Variants in TNIK observed in about 807,000 individuals in gnomAD.
TNIK encodes TRAF2 and NCK interacting kinase, also known as TRAF2 and NCK-interacting protein kinase.
A neutral mutation model predicts 191.3 loss-of-function variants in TNIK; 49 were observed. The observed-to-expected ratio is 0.26, with a 90% CI of 0.20 to 0.32. The LOEUF is 0.32. TNIK is among the 10% of genes least tolerant of loss of function. TNIK has a pLI of 1.00. For missense variants in TNIK, 1,155 were observed against 1,702.3 expected (o/e 0.68, Z 5.66); for synonymous variants, 594 against 600.9 (o/e 0.99, Z 0.17).
chr3:171,090,088 A>G (rs1721865629), intron 23 of TNIK, among the ~76,000 whole-genome samples: 1 of 152,192 alleles, frequency 6.6e-6, no homozygotes, highest in African/African-American at 2.4e-5. Context: ...TTGAACTGGG[A>G]TGTGGTGAGT....
intron 15 of TNIK, among the ~76,000 whole-genome samples, chr3:171,134,911 GA>G (rs1000865850): frequency 2.0e-4 from 31 of 151,404 alleles, no homozygotes; most frequent in African/African-American, 5.1e-4. Flanking sequence ...CAAAGAAGAA[GA>G]AAAAAAAACT....
At chr3:171,101,763 T>C (rs1044027453) in intron 21 of TNIK, 130 bp from the exon 22 acceptor site, 3 of 812,368 alleles carry the variant, frequency 3.7e-6, no homozygotes, top group Non-Finnish European at 1.9e-6. Context: ...ACAAACATAG[T>C]TACTGCATGG....
chr3:171,297,046 C>T (rs1438208095), intron 2 of TNIK, among the ~76,000 whole-genome samples: 1 of 152,076 alleles, frequency 6.6e-6, no homozygotes, highest in African/African-American at 2.4e-5. Flanking sequence ...TACCGCAGTC[C>T]TTGCCTCTTA....
chr3:171,280,662 A>C (rs935506361), intron 2 of TNIK, among the ~76,000 whole-genome samples: 2 of 152,130 alleles, frequency 1.3e-5, no homozygotes, highest in Non-Finnish European at 2.9e-5. Context: ...AAAAAAAAAA[A>C]AAACTGTATC....
At chr3:171,197,683 A>G (rs1442678473) in intron 4 of TNIK, among the ~76,000 whole-genome samples, 1 of 152,236 alleles carries the variant, frequency 6.6e-6, no homozygotes, top group Non-Finnish European at 1.5e-5. Context: ...TTAGGAAAAT[A>G]CAAACCAAAA....
rs557171944 is a variant in TNIK, at chr3:171,347,075, C to T, written c.123+22545G>A. ...TGTGCTAGGACAGTGGTGGCAGAGA[C>T]AGAAAACAGAAGAGAGAAATCAGGA... On this transcript the variant is annotated intron_variant, in intron 2 of 32. Coordinates refer to ENST00000436636, the MANE Select transcript of TNIK (RefSeq NM_015028.4). 8 of 1,466,204 alleles carry T rather than the reference C, an allele frequency of 5.5e-6. No individual in the cohort carries two copies. The East Asian group carries it at 1.7e-4, about 32-fold the overall frequency. 90.8% of individuals were successfully genotyped at this position (1,466,204 alleles called of 1,614,324 possible).
chr3:171,295,167 C>T, intron 2 of TNIK, among the ~76,000 whole-genome samples: 1 of 152,162 alleles, frequency 6.6e-6, no homozygotes, highest in East Asian at 1.9e-4. Flanking sequence ...GGAAATGGGT[C>T]TGACCTAGGA....
intron 1 of TNIK, among the ~76,000 whole-genome samples, chr3:171,446,169 C>T (rs1727467549): frequency 6.6e-6 from 1 of 152,076 alleles, no homozygotes; most frequent in Non-Finnish European, 1.5e-5. Flanking sequence ...TTCTCATGAC[C>T]CTGTCCTGAG....
intron 28 of TNIK, among the ~76,000 whole-genome samples, chr3:171,075,832 G>A (rs1018654581): frequency 3.0e-4 from 46 of 151,774 alleles, no homozygotes; most frequent in African/African-American, 1.1e-3. Flanking sequence ...CATCTCCCAG[G>A]TTCAAGTGAT....
rs147981241 is a variant in TNIK at position 171,442,317 on chromosome 3, C to A, written c.57+17690G>T. On this transcript the variant is annotated intron_variant, in intron 1 of 32. Transcript: ENST00000436636. ...CAGAAAAGAAAAGAAACAGACCTGG[C>A]CTCAAAGGGACAGAGAACTTAATAG... Among the ~76,000 whole-genome samples the A allele has an allele frequency of 8.2e-3, 1,256 of 152,284 alleles. 20 individuals are homozygous for A. The highest frequency in any genetic ancestry group is 0.028 in the African/African-American group (1,174 of 41,566).
chr3:171,257,088 A>G (rs1577268912), intron 2 of TNIK, among the ~76,000 whole-genome samples: 1 of 152,152 alleles, frequency 6.6e-6, no homozygotes, highest in Non-Finnish European at 1.5e-5. Flanking sequence ...CGAGAGAGGA[A>G]CAATGAAGTC....
chr3:171,313,288 G>A (rs932382582), intron 2 of TNIK, among the ~76,000 whole-genome samples: 2 of 150,774 alleles, frequency 1.3e-5, no homozygotes, highest in Non-Finnish European at 2.9e-5. Flanking sequence ...AAATAGCTGG[G>A]TTACACATAC....
At chr3:171,139,411 CACAA>C (rs201037003) in intron 14 of TNIK, 55 bp downstream of exon 14, 141 of 1,494,846 alleles carry the variant, frequency 9.4e-5, no homozygotes, top group Non-Finnish European at 1.2e-4. Context: ...CACACACACA[CACAA>C]ACACTTGCAA....
chr3:171,124,095 C>A (rs1728149016), intron 17 of TNIK, among the ~76,000 whole-genome samples: 1 of 152,104 alleles, frequency 6.6e-6, no homozygotes, highest in Admixed American at 6.5e-5. Flanking sequence ...GAGAGCCACC[C>A]AGATGAAGCA....
intron 2 of TNIK, among the ~76,000 whole-genome samples, chr3:171,308,112 AG>A (rs1335998504): frequency 1.3e-5 from 2 of 152,160 alleles, no homozygotes; most frequent in African/African-American, 2.4e-5. Flanking sequence ...GAGCCTGAGT[AG>A]TGAAAACAAT....
chr3:171,120,379 G>A (rs1051318046), intron 18 of TNIK, among the ~76,000 whole-genome samples: 2 of 150,164 alleles, frequency 1.3e-5, no homozygotes, highest in Non-Finnish European at 1.5e-5. Context: ...GGAGTGCAGG[G>A]GTGTGATCTC....
chr3:171,102,961 C>CTAGGAAAGGAAACACTTTAGGTGTTTT (rs2108460024), intron 21 of TNIK, among the ~76,000 whole-genome samples: 1 of 152,256 alleles, frequency 6.6e-6, no homozygotes, highest in African/African-American at 2.4e-5. Context: ...TTGGTTCACA[C>CTAGGAAAGGAAACACTTTAGGTGTTTT]TAGGAAAGGA....
intron 2 of TNIK, among the ~76,000 whole-genome samples, chr3:171,323,638 AAC>A (rs778753043): frequency 7.9e-5 from 12 of 152,184 alleles, no homozygotes; most frequent in Non-Finnish European, 1.6e-4. Flanking sequence ...AGGGGAACTA[AAC>A]ACAGTCTGAA....
chr3:171,356,037 T>C (rs1714004355), intron 2 of TNIK, among the ~76,000 whole-genome samples: 1 of 152,152 alleles, frequency 6.6e-6, no homozygotes. Context: ...ATTATACACC[T>C]GGCAAATATT....
Sources: gnomAD v4.1 joint callset for allele counts (sites outside exome capture counted in the v4.1 genomes callset) on GRCh38, gnomAD v4.1.1 for gene constraint, MANE v1.5 for transcripts, NCBI Gene and HGNC (gene_info 2026-07-23, HGNC 2026-07-21) for gene names.